CSMD1: variants seen among roughly 807,000 people sequenced by gnomAD.
The protein encoded by CSMD1 is CUB and Sushi multiple domains 1.
Under a neutral mutation model 417.5 loss-of-function variants are expected in CSMD1, and 213 were observed. The observed-to-expected ratio is 0.51, with a 90% CI of 0.46 to 0.57. CSMD1 has a LOEUF of 0.57. CSMD1 is among the 20% of genes least tolerant of loss of function. The probability of loss-of-function intolerance (pLI) is 0.00; values close to 1 mark genes in which losing one functional copy is unlikely to be tolerated. For synonymous variants in CSMD1, 2,862 were observed against 1,736.8 expected, an observed-to-expected ratio of 1.65 and a Z score of -16.11; for missense variants, 6,923 against 4,529.7, an observed-to-expected ratio of 1.53 and a Z score of -15.17.
At chr8:3,352,716 G>A (rs369607159) in intron 21 of CSMD1, among the ~76,000 whole-genome samples, 1 of 152,016 alleles carries the variant, frequency 6.6e-6, no homozygotes, top group Non-Finnish European at 1.5e-5. Context: ...GGTGCATGCC[G>A]GTTGTCCCAC....
chr8:3,600,231 T>C (rs1563188196), intron 8 of CSMD1, among the ~76,000 whole-genome samples: 1 of 152,142 alleles, frequency 6.6e-6, no homozygotes, highest in African/African-American at 2.4e-5. Context: ...CTTTTCTCCT[T>C]CTCCTCCCCA....
chr8:4,223,506 C>G (rs559968655), intron 3 of CSMD1, among the ~76,000 whole-genome samples: 1 of 152,200 alleles, frequency 6.6e-6, no homozygotes, highest in Non-Finnish European at 1.5e-5. Context: ...TTGCACAGGG[C>G]GTAATCTACC....
At chr8:4,768,000 T>C (rs906441774) in intron 1 of CSMD1, among the ~76,000 whole-genome samples, 1 of 151,766 alleles carries the variant, frequency 6.6e-6, no homozygotes, top group African/African-American at 2.4e-5. Context: ...TGGTGGGCAT[T>C]CAATTCACAT....
chr8:4,873,963 A>G (rs1426401750), intron 1 of CSMD1, among the ~76,000 whole-genome samples: 2 of 152,148 alleles, frequency 1.3e-5, no homozygotes, highest in African/African-American at 4.8e-5. Context: ...ATTTCAAGCT[A>G]TAAATATGCA....
At chr8:4,102,205 G>C (rs928601790) in intron 3 of CSMD1, among the ~76,000 whole-genome samples, 1 of 152,132 alleles carries the variant, frequency 6.6e-6, no homozygotes, top group Non-Finnish European at 1.5e-5. Context: ...TGTCTCTTTT[G>C]TAATTTAGGA....
intron 3 of CSMD1, among the ~76,000 whole-genome samples, chr8:4,080,552 C>T (rs1800077532): frequency 1.3e-5 from 2 of 152,122 alleles, no homozygotes; most frequent in Admixed American, 1.3e-4. Flanking sequence ...TAGGTTTCTC[C>T]AGAAGATAAA....
At chr8:3,608,748 A>C (rs1801744613) in intron 8 of CSMD1, among the ~76,000 whole-genome samples, 1 of 136,000 alleles carries the variant, frequency 7.4e-6, no homozygotes, top group African/African-American at 2.9e-5. Flanking sequence ...TGGACAACAG[A>C]GTGAGACTCT....
At chr8:4,432,418 T>C (rs1446114908) in intron 2 of CSMD1, among the ~76,000 whole-genome samples, 1 of 152,170 alleles carries the variant, frequency 6.6e-6, no homozygotes, top group Non-Finnish European at 1.5e-5. Flanking sequence ...GTTGATTTCC[T>C]AGATTTGGAG....
intron 7 of CSMD1, among the ~76,000 whole-genome samples, chr8:3,646,100 T>C (rs991564906): frequency 6.6e-6 from 1 of 150,542 alleles, no homozygotes; most frequent in African/African-American, 2.4e-5. Context: ...AATAGAAAAC[T>C]CTTCAGCCGA....
At chr8:4,278,492 G>A (rs1237604454) in intron 3 of CSMD1, among the ~76,000 whole-genome samples, 1 of 152,088 alleles carries the variant, frequency 6.6e-6, no homozygotes, top group Non-Finnish European at 1.5e-5. Context: ...TTTAATATTA[G>A]GTTGACACAA....
intron 49 of CSMD1, among the ~76,000 whole-genome samples, chr8:3,053,767 C>A (rs759781704): frequency 1.5e-4 from 23 of 152,150 alleles, no homozygotes; most frequent in Non-Finnish European, 4.4e-5. Context: ...ATGAAGCCAA[C>A]AAGCAGGCAG....
At chr8:3,612,466 A>G (rs1460158307) in intron 8 of CSMD1, among the ~76,000 whole-genome samples, 6 of 152,120 alleles carry the variant, frequency 3.9e-5, no homozygotes, top group Non-Finnish European at 8.8e-5. Flanking sequence ...TCTAACTGAC[A>G]TTTATGGAAC....
chr8:3,389,966 T>C (rs570525494), intron 17 of CSMD1, among the ~76,000 whole-genome samples: 42 of 152,204 alleles, frequency 2.8e-4, no homozygotes, highest in South Asian at 8.3e-4. Flanking sequence ...GGGAGGACTG[T>C]TGAGTGGTAG....
chr8:3,976,318 C>T (rs1035892673), intron 5 of CSMD1, among the ~76,000 whole-genome samples: 5 of 152,038 alleles, frequency 3.3e-5, no homozygotes, highest in Non-Finnish European at 5.9e-5. Flanking sequence ...CTCATAGAGT[C>T]AATGCGTTTT....
chr8:4,264,941 C>G lies in CSMD1; in HGVS notation c.415+155012G>C, dbSNP rs548702334. 3.1e-4 allele frequency among the ~76,000 whole-genome samples: 47 copies of G among 152,254 alleles called. No individual in the cohort carries two copies. In the South Asian group the frequency reaches 9.3e-3, roughly 30 times the overall value. On this transcript the variant is annotated intron_variant, in intron 3 of 69. Coordinates refer to ENST00000635120, the MANE Select transcript of CSMD1 (RefSeq NM_033225.6). ...CCCATTTCTAAACTTCTACTTGAAT[C>G]AAATATTTCGAACAGGATAAAATAT...
At chr8:4,764,483 T>A (rs560220063) in intron 1 of CSMD1, among the ~76,000 whole-genome samples, 34 of 152,244 alleles carry the variant, frequency 2.2e-4, no homozygotes, top group Admixed American at 1.4e-3. Flanking sequence ...AAGTATTAAG[T>A]CGAGAAGACA....
At chr8:3,588,341 C>T (rs1222920528) in intron 8 of CSMD1, among the ~76,000 whole-genome samples, 1 of 146,932 alleles carries the variant, frequency 6.8e-6, no homozygotes, top group Non-Finnish European at 1.5e-5. Flanking sequence ...AGTCATAAAG[C>T]ACCATGAAGA....
intron 2 of CSMD1, among the ~76,000 whole-genome samples, chr8:4,427,492 C>G (rs1426055896): frequency 1.4e-4 from 1 of 7,232 alleles, no homozygotes; most frequent in African/African-American, 4.4e-4. Flanking sequence ...ATCAAATACA[C>G]ACACACACAC....
chr8:3,247,388 C>G (rs938526189), intron 26 of CSMD1, among the ~76,000 whole-genome samples: 5 of 152,142 alleles, frequency 3.3e-5, no homozygotes, highest in African/African-American at 1.2e-4. Flanking sequence ...GAACCCATGA[C>G]ATTGTGACCC....
Sources: allele counts gnomAD v4.1 joint callset (sites outside exome capture counted in the v4.1 genomes callset), GRCh38; gene constraint gnomAD v4.1.1; transcripts MANE v1.5; gene names NCBI Gene and HGNC (gene_info 2026-07-23, HGNC 2026-07-21).